NFIB: variants seen among roughly 807,000 people sequenced by gnomAD.
NFIB encodes the protein nuclear factor I B.
In NFIB, 11 loss-of-function variants were observed where a neutral mutation model predicts 61.5. The observed-to-expected ratio is 0.18, with a 90% CI of 0.11 to 0.30. The LOEUF is 0.30. NFIB is among the 10% of genes least tolerant of loss of function. The pLI is 1.00. For missense variants in NFIB, 471 were observed against 608.9 expected, an observed-to-expected ratio of 0.77 and a Z score of 2.38; for synonymous variants, 260 against 216.5, an observed-to-expected ratio of 1.20 and a Z score of -1.76.
At chr9:14,443,003 A>G in the NFIB span, among the ~76,000 whole-genome samples, 1 of 151,558 alleles carries the variant, frequency 6.6e-6, no homozygotes, top group African/African-American at 2.4e-5. Context: ...CAAATCTTTC[A>G]CAGATCTTTA....
At chr9:14,503,572 G>C in the NFIB span, among the ~76,000 whole-genome samples, 1 of 152,168 alleles carries the variant, frequency 6.6e-6, no homozygotes, top group Non-Finnish European at 1.5e-5. Flanking sequence ...GCATTTCCCT[G>C]ATAATTAGTG....
the NFIB span, among the ~76,000 whole-genome samples, chr9:14,425,398 C>A: frequency 2.6e-5 from 4 of 152,106 alleles, no homozygotes; most frequent in Non-Finnish European, 5.9e-5. Context: ...AACAGGGGCA[C>A]TGTGTGGTCT....
At chr9:14,283,428 C>T (rs531475229) in intron 2 of NFIB, among the ~76,000 whole-genome samples, 5 of 152,288 alleles carry the variant, frequency 3.3e-5, no homozygotes, top group South Asian at 4.1e-4. Context: ...GATCAAAGTT[C>T]CTCTGTTTTA....
At chr9:14,271,918 T>TA in intron 2 of NFIB, among the ~76,000 whole-genome samples, 1 of 152,262 alleles carries the variant, frequency 6.6e-6, no homozygotes, top group East Asian at 1.9e-4. Flanking sequence ...CAAAAGAATA[T>TA]TTTAAGGGTG....
chr9:14,410,360 T>A, the NFIB span, among the ~76,000 whole-genome samples: 38 of 152,358 alleles, frequency 2.5e-4, no homozygotes, highest in African/African-American at 9.1e-4. Context: ...GTCCTACTGT[T>A]GGGCTCTGTT....
intron 2 of NFIB, among the ~76,000 whole-genome samples, chr9:14,181,691 C>A (rs1363326351): frequency 6.6e-6 from 1 of 152,182 alleles, no homozygotes; most frequent in South Asian, 2.1e-4. Context: ...AGTTTAATTT[C>A]TCAAGCGATT....
chr9:14,316,265 A>G (rs941816655), upstream of NFIB, among the ~76,000 whole-genome samples: 10 of 152,226 alleles, frequency 6.6e-5, no homozygotes, highest in African/African-American at 2.4e-4. Flanking sequence ...GTTTTCAAAG[A>G]GCGCTCTTAA....
At chr9:14,233,134 G>C (rs767126370) in intron 2 of NFIB, among the ~76,000 whole-genome samples, 3 of 152,176 alleles carry the variant, frequency 2.0e-5, no homozygotes, top group Non-Finnish European at 2.9e-5. Context: ...TGTCATTACT[G>C]CTCTTCAAAA....
rs186228428 is a variant in NFIB, at chr9:14,125,837, C to T, written c.926-71G>A. The T allele has an allele frequency of 5.1e-6, 8 of 1,555,800 alleles. No homozygotes were observed. The African/African-American group carries it at 8.3e-5, about 16-fold the overall frequency. ...CTCTAAGGTTCATGTCAACAAATGACAGATCTCATCTTGCAACATTTTAGT... is the reference window on the plus strand; with the variant it reads ...CTCTAAGGTTCATGTCAACAAATGATAGATCTCATCTTGCAACATTTTAGT... On this transcript the variant is annotated intron_variant, in intron 6 of 10. Coordinates refer to ENST00000380953, the MANE Select transcript of NFIB (RefSeq NM_001190737.2).
At chr9:14,212,927 G>A (rs1461733507) in intron 2 of NFIB, among the ~76,000 whole-genome samples, 2 of 152,156 alleles carry the variant, frequency 1.3e-5, no homozygotes, top group African/African-American at 4.8e-5. Flanking sequence ...ACTGCTTAGA[G>A]AATAATTAGC....
At chr9:14,465,968 C>T in the NFIB span, among the ~76,000 whole-genome samples, 1 of 152,282 alleles carries the variant, frequency 6.6e-6, no homozygotes, top group South Asian at 2.1e-4. Context: ...TCATGGAGGT[C>T]GTAGGCCCCC....
At chr9:14,316,844 T>A (rs1248497036), upstream of NFIB, among the ~76,000 whole-genome samples, 1 of 152,188 alleles carries the variant, frequency 6.6e-6, no homozygotes, top group Non-Finnish European at 1.5e-5. Flanking sequence ...TGAACAAATA[T>A]TCAATTTAAC....
intron 1 of NFIB, among the ~76,000 whole-genome samples, chr9:14,311,774 A>C (rs1247791750): frequency 6.6e-6 from 1 of 152,224 alleles, no homozygotes; most frequent in Non-Finnish European, 1.5e-5. Context: ...AGAAATGCAC[A>C]ATTATTCAAT....
chr9:14,476,196 T>C, the NFIB span, among the ~76,000 whole-genome samples: 1 of 151,662 alleles, frequency 6.6e-6, no homozygotes, highest in East Asian at 1.9e-4. Context: ...CTGATTGATT[T>C]GCAAATGACA....
In NFIB at chr9:14,120,642, G is replaced by T. The variant is rs2038799785; in HGVS notation, c.1061-18C>A. The T allele has an allele frequency of 4.4e-6, 7 of 1,577,446 alleles. No homozygotes were observed. In the East Asian group the frequency reaches 1.1e-4, roughly 25 times the overall value. ...TGAGATGACTGCAGAAGACAGAAAAGGAAAGATTGACTCATCAGCTGGTTA... is the reference window on the plus strand; with the variant it reads ...TGAGATGACTGCAGAAGACAGAAAATGAAAGATTGACTCATCAGCTGGTTA... On this transcript the variant is annotated intron_variant, in intron 7 of 10. Coordinates refer to ENST00000380953, the MANE Select transcript of NFIB (RefSeq NM_001190737.2). The surrounding 1 kb of genome is among the most constrained non-coding windows in gnomAD (Gnocchi z 4.4).
chr9:14,492,987 G>A, the NFIB span, among the ~76,000 whole-genome samples: 2 of 152,098 alleles, frequency 1.3e-5, no homozygotes, highest in South Asian at 2.1e-4. Context: ...AGCCTCACTG[G>A]GTTTTGTTCA....
At chr9:14,498,977 G>A in the NFIB span, among the ~76,000 whole-genome samples, 1 of 151,958 alleles carries the variant, frequency 6.6e-6, no homozygotes, top group Non-Finnish European at 1.5e-5. Flanking sequence ...ATGTATGGAA[G>A]TCATTGGCAA....
At chr9:14,461,000 G>A in the NFIB span, among the ~76,000 whole-genome samples, 1 of 139,292 alleles carries the variant, frequency 7.2e-6, no homozygotes, top group Admixed American at 7.9e-5. Context: ...TTGGCTTAGA[G>A]GATCGTACTT....
the NFIB span, among the ~76,000 whole-genome samples, chr9:14,450,620 T>G: frequency 6.6e-6 from 1 of 152,046 alleles, no homozygotes; most frequent in South Asian, 2.1e-4. Context: ...ATTGAGAGAC[T>G]CCCTTTAAAT....
Sources: gnomAD v4.1 joint callset for allele counts (sites outside exome capture counted in the v4.1 genomes callset) on GRCh38, gnomAD v4.1.1 for gene constraint, Gnocchi (gnomAD v3.1) non-coding constraint, MANE v1.5 for transcripts, NCBI Gene and HGNC (gene_info 2026-07-23, HGNC 2026-07-21) for gene names.